Variants in POLR1B observed in about 807,000 individuals in gnomAD.
The protein encoded by POLR1B is RNA polymerase I subunit B, also known as DNA-directed RNA polymerase I subunit RPA2.
POLR1B carries 30 observed loss-of-function variants against 105.8 expected under a neutral mutation model. That is an observed-to-expected ratio of 0.28 (90% confidence interval 0.21 to 0.38). The LOEUF (loss-of-function observed/expected upper bound fraction) is 0.38. Among genes scored for constraint, POLR1B ranks in the 10% least tolerant of loss-of-function variants. POLR1B has a pLI of 1.00. For synonymous variants in POLR1B, 485 were observed against 505.1 expected (o/e 0.96, Z 0.53); for missense variants, 976 against 1,435.8 (o/e 0.68, Z 5.17).
At chr2:112,549,799 A>G (rs577469558) in intron 4 of POLR1B, among the ~76,000 whole-genome samples, 12 of 152,282 alleles carry the variant, frequency 7.9e-5, no homozygotes, top group Non-Finnish European at 1.6e-4. Context: ...GATGATAGTA[A>G]TACTGTACTG....
chr2:112,579,208 C>CAAAAAAAAAAAAAAAAAAAAAAAAA lies in POLR1B; in HGVS notation c.*3487_*3511dup, dbSNP rs56190123. 3.4e-5 allele frequency among the ~76,000 whole-genome samples: 2 copies of CAAAAAAAAAAAAAAAAAAAAAAAAA among 58,664 alleles called. No homozygotes were observed. Among genetic ancestry groups the CAAAAAAAAAAAAAAAAAAAAAAAAA allele is most frequent in the African/African-American group, 1.4e-4 (2 of 14,074 alleles). 38.5% of individuals were successfully genotyped at this position (58,664 alleles called of 152,430 possible). A position where few individuals can be genotyped will look rare whatever the true frequency, so the allele number is the denominator to read the frequency against. ...GGGCAACAGAGCAAGACTAGAGTCT[C>CAAAAAAAAAAAAAAAAAAAAAAAAA]AAAAAAAAAAAAAAAAAAAAAAAAA... On this transcript the variant is annotated 3_prime_UTR_variant, in exon 15 of 15. Transcript: ENST00000263331.
chr2:112,542,733 G>C (rs1230756950), intron 1 of POLR1B, 62 bp downstream of exon 1: 12 of 1,586,102 alleles, frequency 7.6e-6, no homozygotes, highest in Non-Finnish European at 2.6e-6. Flanking sequence ...AGGTGGCTGG[G>C]AGGTCACAGT....
chr2:112,567,058 A>G (rs572914267), intron 10 of POLR1B, among the ~76,000 whole-genome samples: 12 of 152,228 alleles, frequency 7.9e-5, no homozygotes, highest in Admixed American at 7.8e-4. Context: ...ATTGTGGAGC[A>G]TCGGAGGATG....
At chr2:112,548,386 G>T (rs558267246) in intron 3 of POLR1B, among the ~76,000 whole-genome samples, 7 of 152,160 alleles carry the variant, frequency 4.6e-5, no homozygotes, top group Non-Finnish European at 1.0e-4. Context: ...AGAATTAAAT[G>T]TTATGATAAC....
chr2:112,568,600 G>A, intron 11 of POLR1B, 146 bp from the exon 12 acceptor site: 1 of 841,888 alleles, frequency 1.2e-6, no homozygotes. Flanking sequence ...GCTTCCCTGT[G>A]CTTCCCAGTT....
intron 1 of POLR1B, among the ~76,000 whole-genome samples, chr2:112,546,702 C>T (rs1344301750): frequency 6.6e-6 from 1 of 151,698 alleles, no homozygotes; most frequent in Admixed American, 6.6e-5. Context: ...GCTGGGACTA[C>T]AGGCGCCCAC....
intron 10 of POLR1B, among the ~76,000 whole-genome samples, chr2:112,566,724 C>T (rs1158180615): frequency 6.7e-6 from 1 of 149,188 alleles, no homozygotes; most frequent in Non-Finnish European, 1.5e-5. Context: ...AACCATTAAA[C>T]AATCATTCCT....
At chr2:112,562,584 C>T (rs553304152) in intron 9 of POLR1B, among the ~76,000 whole-genome samples, 7 of 152,208 alleles carry the variant, frequency 4.6e-5, no homozygotes, top group African/African-American at 1.7e-4. Flanking sequence ...TACTTTATTG[C>T]TAAAAAATAT....
At chr2:112,566,240 C>A (rs1684267411) in intron 10 of POLR1B, among the ~76,000 whole-genome samples, 1 of 152,158 alleles carries the variant, frequency 6.6e-6, no homozygotes, top group African/African-American at 2.4e-5. Context: ...TTAACTGATC[C>A]CTTCAAAGTT....
At position 112,556,108 on chromosome 2, in the gene POLR1B, GT is replaced by G. The variant is rs556124858; in HGVS notation, c.1159-1801del. On this transcript the variant is annotated intron_variant, in intron 7 of 14. Coordinates refer to ENST00000263331, the MANE Select transcript of POLR1B (RefSeq NM_019014.6). ...ATTCCATCTTGACTGTGAAGATGAA[GT>G]GTTCAGTGTACACCTGATAAAAACA... Among the ~76,000 whole-genome samples, 471 of 152,338 alleles carry G rather than the reference GT, an allele frequency of 3.1e-3. 2 individuals are homozygous for G. The highest frequency in any genetic ancestry group is 6.8e-3 in the Middle Eastern group (2 of 294).
intron 4 of POLR1B, among the ~76,000 whole-genome samples, chr2:112,549,802 C>G (rs1225485174): frequency 6.6e-6 from 1 of 152,148 alleles, no homozygotes; most frequent in African/African-American, 2.4e-5. Flanking sequence ...GATAGTAATA[C>G]TGTACTGCTT....
upstream of POLR1B, chr2:112,542,239 C>T (rs1682786558): frequency 2.0e-6 from 3 of 1,535,146 alleles, no homozygotes; most frequent in Non-Finnish European, 2.6e-6. Flanking sequence ...ATGAGTGGGG[C>T]GGAATATGGG....
Position 112,558,074 on chromosome 2 carries a change from T to C in POLR1B, c.1323T>C (p.Ser441=). Residue 441 remains serine, a synonymous_variant, in exon 8 of 15, where the codon TCT becomes TCC. Coordinates refer to ENST00000263331, the MANE Select transcript of POLR1B (RefSeq NM_019014.6). ...TTTTTGCTACTGGGAATCTGCGTTC[T>C]AAAACAGGTAAAATTAAATCGATCG... is the stretch of plus-strand genomic sequence containing the variant. ...EYLFATGNLR[S]KTGLGLLQDS... is the part of the protein sequence containing the mutation. 7.5e-7 allele frequency: 1 copy of C among 1,330,892 alleles called. No individual in the cohort carries two copies. Among genetic ancestry groups the C allele is most frequent in the Non-Finnish European group, 9.7e-7 (1 of 1,029,668 alleles). The allele number at this position is 1,330,892 out of a possible 1,614,324, so 82.4% of individuals were successfully genotyped here. A position where few individuals can be genotyped will look rare whatever the true frequency, so the allele number is the denominator to read the frequency against.
At chr2:112,545,730 TCC>T (rs1315602270) in intron 1 of POLR1B, 1 of 230,896 alleles carries the variant, frequency 4.3e-6, no homozygotes, top group East Asian at 1.7e-4. Context: ...GCCTCGACCT[TCC>T]AGGATCAAGT....
chr2:112,574,685 G>A lies in POLR1B; in HGVS notation c.2526-162G>A, dbSNP rs544514219. Among the ~76,000 whole-genome samples the A allele has an allele frequency of 7.1e-5, 10 of 140,284 alleles. No homozygotes were observed. In the South Asian group the frequency reaches 2.0e-3, roughly 28 times the overall value. The allele number at this position is 140,284 out of a possible 152,430, so 92.0% of individuals were successfully genotyped here. A position where few individuals can be genotyped will look rare whatever the true frequency, so the allele number is the denominator to read the frequency against. ...TGCAGTGAGCTGTAATTGCACCACC[G>A]CACTCCAGCCTGGGCAACAGAGTGA... is the stretch of plus-strand genomic sequence containing the variant. On this transcript the variant is annotated intron_variant, in intron 14 of 14. Coordinates refer to ENST00000263331, the MANE Select transcript of POLR1B (RefSeq NM_019014.6).
intron 12 of POLR1B, among the ~76,000 whole-genome samples, chr2:112,569,562 CTTTTTTTTTTT>C (rs1290911320): frequency 7.1e-6 from 1 of 140,608 alleles, no homozygotes; most frequent in South Asian, 2.3e-4. Flanking sequence ...TAGTGTGTTT[CTTTTTTTTTTT>C]TTTTGAGACA....
rs375602591 is a variant in POLR1B, at chr2:112,576,326, C to G, written c.*597C>G. 6.6e-6 allele frequency: 1 copy of G among 152,256 alleles called. No homozygotes were observed. Among genetic ancestry groups the G allele is most frequent in the Non-Finnish European group, 1.5e-5 (1 of 68,160 alleles). The allele number at this position is 152,256 out of a possible 1,614,324, so 9.4% of individuals were successfully genotyped here. ...TTTCCTCCTGCCCCTTTGTTTTTTG[C>G]TTTTTGGTTGCTGTTGAGTTTTTGT... On this transcript the variant is annotated 3_prime_UTR_variant, in exon 15 of 15. Transcript: ENST00000263331.
Position 112,572,569 on chromosome 2 carries a change from A to G in POLR1B, c.2082A>G (p.Gln694=), listed in dbSNP as rs200206051. The part of the protein sequence containing the change: ...RNMYQCQMGK[Q]TMGFPLLTYQ... ...TGTTTTTTCTCCATGTAGGTAAGCA[A>G]ACTATGGGCTTTCCACTTCTCACTT... Residue 694 remains glutamine, a synonymous_variant, in exon 13 of 15, where the codon CAA becomes CAG. Coordinates refer to ENST00000263331, the MANE Select transcript of POLR1B (RefSeq NM_019014.6). 9.5e-6 allele frequency: 15 copies of G among 1,575,004 alleles called. No individual in the cohort carries two copies. In the East Asian group the frequency reaches 3.4e-4, roughly 36 times the overall value.
chr2:112,560,774 T>C (rs976260661), intron 9 of POLR1B, among the ~76,000 whole-genome samples: 3 of 152,192 alleles, frequency 2.0e-5, no homozygotes, highest in African/African-American at 7.2e-5. Context: ...TAGAGTGGCC[T>C]GGCCGGGCGT....
Sources: gnomAD v4.1 joint callset for allele counts (sites outside exome capture counted in the v4.1 genomes callset) on GRCh38, gnomAD v4.1.1 for gene constraint, MANE v1.5 for transcripts, NCBI Gene and HGNC (gene_info 2026-07-23, HGNC 2026-07-21) for gene names.